Variants in BPTF observed in about 807,000 individuals in gnomAD.
The protein encoded by BPTF is bromodomain PHD finger transcription factor.
Under a neutral mutation model 292.5 loss-of-function variants are expected in BPTF, and 18 were observed. That is an observed-to-expected ratio of 0.06 (90% CI 0.04 to 0.09). The LOEUF (loss-of-function observed/expected upper bound fraction) is 0.09, where lower values mean the gene tolerates loss of function less well. BPTF is among the 10% of genes least tolerant of loss of function. The probability of loss-of-function intolerance (pLI) is 1.00; values close to 1 mark genes in which losing one functional copy is unlikely to be tolerated. For missense variants in BPTF, 2,726 were observed against 3,498.7 expected, an observed-to-expected ratio of 0.78 and a Z score of 5.57; for synonymous variants, 1,225 against 1,251.9, an observed-to-expected ratio of 0.98 and a Z score of 0.45.
At chr17:67,828,922 C>T (rs1370346987) in intron 1 of BPTF, among the ~76,000 whole-genome samples, 2 of 152,162 alleles carry the variant, frequency 1.3e-5, no homozygotes, top group Non-Finnish European at 2.9e-5. Context: ...AGCTTATTCC[C>T]CCTGCAGCTC....
chr17:67,957,871 C>T (rs2067105457), intron 23 of BPTF, among the ~76,000 whole-genome samples: 1 of 152,210 alleles, frequency 6.6e-6, no homozygotes, highest in South Asian at 2.1e-4. Context: ...AAGAAATACT[C>T]TTGGTCATAG....
chr17:67,952,054 C>CAA (rs56099409), intron 23 of BPTF, among the ~76,000 whole-genome samples: 53,078 of 71,454 alleles, frequency 0.74, 20,910 homozygotes, highest in South Asian at 0.94. Flanking sequence ...GACTCTGTCT[C>CAA]AAAAAAAAAA....
chr17:67,852,085 G>A (rs905045617), intron 1 of BPTF, among the ~76,000 whole-genome samples: 6 of 152,020 alleles, frequency 3.9e-5, no homozygotes, highest in African/African-American at 1.2e-4. Flanking sequence ...TGACAGTTGA[G>A]GGGCTTAAGT....
At chr17:67,903,712 A>G in intron 7 of BPTF, 77 bp from the exon 8 acceptor site, 1 of 1,350,126 alleles carries the variant, frequency 7.4e-7, no homozygotes, top group Non-Finnish European at 9.8e-7. Context: ...TGTTTTCCTA[A>G]TTTTTCAGTA....
At chr17:67,976,685 C>CAAAAAAA (rs1156404121) in intron 27 of BPTF, among the ~76,000 whole-genome samples, 19 of 24,810 alleles carry the variant, frequency 7.7e-4, no homozygotes, top group East Asian at 3.5e-3. Flanking sequence ...GACCCTGTCT[C>CAAAAAAA]AAAAAAAAAA....
chr17:67,832,866 C>T (rs912804173), intron 1 of BPTF, among the ~76,000 whole-genome samples: 35 of 147,434 alleles, frequency 2.4e-4, no homozygotes, highest in African/African-American at 6.3e-4. Flanking sequence ...CAGCTCACTG[C>T]AACCTCCACC....
chr17:67,879,857 G>A lies in BPTF; in HGVS notation c.1864+4837G>A, dbSNP rs145766181. Among the ~76,000 whole-genome samples, 72 of 152,202 alleles carry A rather than the reference G, an allele frequency of 4.7e-4. No homozygotes were observed. In the East Asian group the frequency reaches 0.014, roughly 29 times the overall value. On this transcript the variant is annotated intron_variant, in intron 4 of 27. Coordinates refer to ENST00000306378, the MANE Select transcript of BPTF (RefSeq NM_182641.4). ...CTCACTCACCCCCAACACCCAACCC[G>A]AGAGCATTAATCTGCTCTTGAGGGA...
chr17:67,909,155 G>C (rs952272470), intron 9 of BPTF, among the ~76,000 whole-genome samples: 7 of 149,096 alleles, frequency 4.7e-5, no homozygotes, highest in Non-Finnish European at 8.9e-5. Context: ...TGTTTATCTT[G>C]TAGCTGACTA....
Position 67,945,784 on chromosome 17 carries a change from T to C in BPTF, c.7076T>C (p.Leu2359Pro). Residue 2359 changes from leucine to proline, a missense_variant, in exon 21 of 28, where the codon CTG (leucine) becomes CCG (proline). Leu to Pro is a moderately conservative substitution (Grantham distance 98). Transcript: ENST00000306378. ...TRIRPSTPSQ[L>P]SPGQQSQVQT... Reference sequence around the variant, plus strand: ...ATACGTCCATCAACTCCATCCCAACTGTCTCCTGGACAACAATCCCAGGTT... The same window carrying C: ...ATACGTCCATCAACTCCATCCCAACCGTCTCCTGGACAACAATCCCAGGTT... The C allele has an allele frequency of 6.2e-7, 1 of 1,614,158 alleles. No individual in the cohort carries two copies. Among genetic ancestry groups the C allele is most frequent in the African/African-American group, 1.3e-5 (1 of 75,038 alleles).
At chr17:67,877,406 A>G (rs994103207) in intron 4 of BPTF, among the ~76,000 whole-genome samples, 9 of 152,174 alleles carry the variant, frequency 5.9e-5, no homozygotes, top group African/African-American at 2.2e-4. Flanking sequence ...ACTGTTTACT[A>G]CCTATGGTCA....
At position 67,953,961 on chromosome 17, in the gene BPTF, C is replaced by CTTTTTTTTTTTTTT. The variant is rs869063412; in HGVS notation, c.7927-5552_7927-5539dup. 6.1e-5 allele frequency among the ~76,000 whole-genome samples: 4 copies of CTTTTTTTTTTTTTT among 65,644 alleles called. 1 individual carries two copies. The highest frequency in any genetic ancestry group is 2.9e-4 in the African/African-American group (4 of 13,834). The allele number at this position is 65,644 out of a possible 152,430, so 43.1% of individuals were successfully genotyped here. ...ATCTTTTTTCTTTTTCTTTTCTTTT[C>CTTTTTTTTTTTTTT]TTTTTTTTTTTTTTTTTTTTTTTTT... On this transcript the variant is annotated intron_variant, in intron 23 of 27. Transcript: ENST00000306378.
At chr17:67,829,883 A>G (rs2056505600) in intron 1 of BPTF, among the ~76,000 whole-genome samples, 1 of 152,230 alleles carries the variant, frequency 6.6e-6, no homozygotes, top group African/African-American at 2.4e-5. Flanking sequence ...AGGTAATGTA[A>G]CAATGCAAAG....
chr17:67,893,633 A>G lies in BPTF; in HGVS notation c.2319A>G (p.Lys773=), dbSNP rs769182834. Residue 773 remains lysine, a synonymous_variant, in exon 6 of 28, where the codon AAA becomes AAG. Transcript: ENST00000306378. ...FKWNGSVHGS[K]VLTISTLRLT... The stretch of plus-strand genomic sequence containing the variant: ...GGAACGGTTCTGTCCATGGGTCCAA[A>G]GTTCTTACCATATCTACTCTGAGAC... 5 of 1,611,796 alleles carry G rather than the reference A, an allele frequency of 3.1e-6. 1 individual carries two copies. In the South Asian group the frequency reaches 4.4e-5, roughly 14 times the overall value.
intron 1 of BPTF, among the ~76,000 whole-genome samples, chr17:67,831,365 A>T (rs1004176614): frequency 6.6e-6 from 1 of 152,212 alleles, no homozygotes; most frequent in African/African-American, 2.4e-5. Flanking sequence ...GAGGTTAAAC[A>T]TGAGAATTAA....
chr17:67,910,537 T>A (rs752743895), intron 10 of BPTF, among the ~76,000 whole-genome samples: 4 of 152,316 alleles, frequency 2.6e-5, no homozygotes, highest in South Asian at 2.1e-4. Context: ...TGGTGGCTCA[T>A]GCCTGTAATC....
intron 3 of BPTF, among the ~76,000 whole-genome samples, chr17:67,868,280 C>T (rs970249350): frequency 2.0e-5 from 3 of 152,170 alleles, no homozygotes; most frequent in Non-Finnish European, 2.9e-5. Context: ...CAGAGGCAAT[C>T]ATTATTGCTG....
At position 67,854,388 on chromosome 17, in the gene BPTF, T is replaced by C. The variant is rs2058580405; in HGVS notation, c.1062T>C (p.Tyr354=). ...LPYQEAEDYP[Y]GPVENKIKVL... is the part of the protein sequence containing the mutation. ...ACCAAGAGGCAGAGGACTACCCATA[T>C]GGACCAGTAGAGAACAAGATCAAAG... Residue 354 remains tyrosine (Y), a synonymous_variant, in exon 2 of 28, where the codon TAT becomes TAC. Transcript: ENST00000306378. This position sits in a 1 kb window ranked among gnomAD's most constrained non-coding sequence, Gnocchi z 5.6. 6.2e-7 allele frequency: 1 copy of C among 1,614,244 alleles called. No individual in the cohort carries two copies. The highest frequency in any genetic ancestry group is 1.3e-5 in the African/African-American group (1 of 75,060).
chr17:67,826,589 C>G (rs867343769), intron 1 of BPTF, among the ~76,000 whole-genome samples: 3 of 144,946 alleles, frequency 2.1e-5, no homozygotes, highest in African/African-American at 7.5e-5. Flanking sequence ...CTCCCCCCCC[C>G]AACCCCCTTT....
intron 4 of BPTF, among the ~76,000 whole-genome samples, chr17:67,880,278 A>G (rs2060315191): frequency 6.6e-6 from 1 of 151,838 alleles, no homozygotes; most frequent in Admixed American, 6.6e-5. Context: ...TTTTTCTCCA[A>G]ATTAATTTCT....
Sources: gnomAD v4.1 joint callset for allele counts (sites outside exome capture counted in the v4.1 genomes callset) on GRCh38, gnomAD v4.1.1 for gene constraint, Gnocchi (gnomAD v3.1) non-coding constraint, MANE v1.5 for transcripts, NCBI Gene and HGNC (gene_info 2026-07-23, HGNC 2026-07-21) for gene names.